The following RSPO2 variants were observed in gnomAD, a reference collection of about 807,000 sequenced individuals.
The protein encoded by RSPO2 is R-spondin-2.
Under a neutral mutation model 30.9 loss-of-function variants are expected in RSPO2, and 14 were observed. The ratio of observed to expected loss-of-function variants is 0.45; its 90% CI spans 0.30 to 0.71. The LOEUF (loss-of-function observed/expected upper bound fraction) is 0.71. Ranked by LOEUF, RSPO2 falls within the 30% of genes least tolerant of loss-of-function variation. The pLI, the probability that RSPO2 is intolerant of heterozygous loss-of-function variation, is 0.08. For missense variants in RSPO2, 264 were observed against 301.9 expected (o/e 0.87, Z 0.93); for synonymous variants, 107 against 96.4 (o/e 1.11, Z -0.64).
chr8:107,954,702 C>T (rs138295333), intron 5 of RSPO2, among the ~76,000 whole-genome samples: 2 of 152,166 alleles, frequency 1.3e-5, no homozygotes, highest in African/African-American at 2.4e-5. Context: ...CTTCCACCTC[C>T]GGGGTTCAAG....
rs559748573 is a variant in RSPO2, at chr8:107,999,526, C to G, written c.95-10282G>C. ...GTTGGCTCACTGCAACCTCCACCTCCAAGGTTCAAGTGATTCTCGTGCCTC... is the reference window on the plus strand; with the variant it reads ...GTTGGCTCACTGCAACCTCCACCTCGAAGGTTCAAGTGATTCTCGTGCCTC... On this transcript the variant is annotated intron_variant, in intron 2 of 5. Transcript: ENST00000276659. Among the ~76,000 whole-genome samples, 3 of 152,262 alleles carry G rather than the reference C, an allele frequency of 2.0e-5. No individual in the cohort carries two copies. The East Asian group carries it at 5.8e-4, about 29-fold the overall frequency.
At chr8:107,952,383 G>A (rs1170593979) in intron 5 of RSPO2, among the ~76,000 whole-genome samples, 2 of 151,916 alleles carry the variant, frequency 1.3e-5, no homozygotes, top group Non-Finnish European at 2.9e-5. Flanking sequence ...AATTTAAAAT[G>A]ACTAACACAA....
chr8:108,057,055 C>CAAAAAAAAA lies in RSPO2; in HGVS notation c.94+25481_94+25489dup, dbSNP rs56727719. 2.7e-3 allele frequency among the ~76,000 whole-genome samples: 98 copies of CAAAAAAAAA among 36,090 alleles called. 6 individuals carry two copies. The highest frequency in any genetic ancestry group is 3.7e-3 in the Non-Finnish European group (74 of 19,948). The allele number at this position is 36,090 out of a possible 152,430, so 23.7% of individuals were successfully genotyped here. A position where few individuals can be genotyped will look rare whatever the true frequency, so the allele number is the denominator to read the frequency against. ...CTGGCAACAGAGTGAGACTCTGTCT[C>CAAAAAAAAA]AAAAAAAAAAAAAAAAAAAAAAAAA... is the stretch of plus-strand genomic sequence containing the variant. On this transcript the variant is annotated intron_variant, in intron 2 of 5. Transcript: ENST00000276659.
At chr8:107,989,021 C>T (rs1226970594) in intron 3 of RSPO2, 35 bp downstream of exon 3, 3 of 1,530,364 alleles carry the variant, frequency 2.0e-6, no homozygotes. Flanking sequence ...AGTTGCATAT[C>T]CAGCAATACA....
At chr8:108,006,417 T>C (rs1052510546) in intron 2 of RSPO2, among the ~76,000 whole-genome samples, 6 of 152,132 alleles carry the variant, frequency 3.9e-5, no homozygotes, top group Non-Finnish European at 8.8e-5. Context: ...TACTAAGTTA[T>C]AATGTAATAT....
chr8:108,014,867 A>T (rs1810831474), intron 2 of RSPO2, among the ~76,000 whole-genome samples: 1 of 151,936 alleles, frequency 6.6e-6, no homozygotes, highest in African/African-American at 2.4e-5. Flanking sequence ...AAGAAAAAAA[A>T]TTCGGTAGAT....
At chr8:107,975,712 A>G (rs1814182026) in intron 3 of RSPO2, among the ~76,000 whole-genome samples, 1 of 152,340 alleles carries the variant, frequency 6.6e-6, no homozygotes, top group South Asian at 2.1e-4. Context: ...GGCCTCAACT[A>G]AACTGTGGCC....
intron 5 of RSPO2, among the ~76,000 whole-genome samples, chr8:107,952,756 A>G (rs1332976280): frequency 6.6e-6 from 1 of 152,206 alleles, no homozygotes; most frequent in African/African-American, 2.4e-5. Context: ...CCTAATACGT[A>G]GTCCACATGT....
intron 5 of RSPO2, among the ~76,000 whole-genome samples, chr8:107,922,186 C>T (rs1178429526): frequency 6.6e-6 from 1 of 150,694 alleles, no homozygotes; most frequent in African/African-American, 2.4e-5. Flanking sequence ...TGACATGATT[C>T]TATACCTAGA....
intron 2 of RSPO2, among the ~76,000 whole-genome samples, chr8:108,029,349 C>T (rs1167010402): frequency 6.6e-6 from 1 of 152,024 alleles, no homozygotes; most frequent in East Asian, 1.9e-4. Context: ...CTAAGGATTG[C>T]TGCAAGGATT....
intron 5 of RSPO2, among the ~76,000 whole-genome samples, chr8:107,922,473 G>A (rs1812205133): frequency 6.6e-6 from 1 of 151,968 alleles, no homozygotes; most frequent in South Asian, 2.1e-4. Flanking sequence ...ATGTTCATGG[G>A]TAGAATGGAT....
chr8:107,973,283 G>A (rs542388622), intron 3 of RSPO2, among the ~76,000 whole-genome samples: 1 of 148,228 alleles, frequency 6.7e-6, no homozygotes, highest in Non-Finnish European at 1.5e-5. Flanking sequence ...AAAAAAAATG[G>A]GGGGGGAACT....
intron 2 of RSPO2, among the ~76,000 whole-genome samples, chr8:108,014,822 T>C (rs1036719724): frequency 6.7e-6 from 1 of 149,872 alleles, no homozygotes; most frequent in Non-Finnish European, 1.5e-5. Context: ...TCTGCCCATG[T>C]GTCCCAGAAC....
At chr8:107,909,616 G>A (rs1474630073) in intron 5 of RSPO2, among the ~76,000 whole-genome samples, 3 of 152,190 alleles carry the variant, frequency 2.0e-5, no homozygotes, top group African/African-American at 7.2e-5. Context: ...ATTTTGCAAG[G>A]AAGGCAAAGA....
intron 5 of RSPO2, among the ~76,000 whole-genome samples, chr8:107,948,878 T>A (rs896309770): frequency 1.3e-5 from 2 of 148,978 alleles, no homozygotes; most frequent in African/African-American, 4.9e-5. Context: ...AATAAATAAA[T>A]AAATAAATAA....
intron 2 of RSPO2, among the ~76,000 whole-genome samples, chr8:108,044,285 A>G (rs1213649711): frequency 6.6e-6 from 1 of 152,080 alleles, no homozygotes; most frequent in Non-Finnish European, 1.5e-5. Context: ...CAGGTTTGTT[A>G]TATGCATATA....
chr8:108,039,533 A>G (rs896440011), intron 2 of RSPO2, among the ~76,000 whole-genome samples: 1 of 152,182 alleles, frequency 6.6e-6, no homozygotes, highest in Non-Finnish European at 1.5e-5. Context: ...AAGAATGCTT[A>G]AAGTGTATTT....
chr8:107,928,248 A>C (rs1563524794), intron 5 of RSPO2, among the ~76,000 whole-genome samples: 1 of 152,202 alleles, frequency 6.6e-6, no homozygotes, highest in Non-Finnish European at 1.5e-5. Context: ...TAATCTCTAC[A>C]TTCCTTAAAC....
At chr8:108,014,995 T>C (rs967072140) in intron 2 of RSPO2, among the ~76,000 whole-genome samples, 15 of 152,048 alleles carry the variant, frequency 9.9e-5, no homozygotes, top group Non-Finnish European at 4.4e-5. Flanking sequence ...CATATAAGAA[T>C]TAAAGCATAA....
Sources: allele counts gnomAD v4.1 joint callset (sites outside exome capture counted in the v4.1 genomes callset), GRCh38; gene constraint gnomAD v4.1.1; transcripts MANE v1.5; gene names NCBI Gene and HGNC (gene_info 2026-07-23, HGNC 2026-07-21).